The following RAB20 variants were observed in gnomAD, a reference collection of about 807,000 sequenced individuals.
The protein encoded by RAB20 is RAB20, member RAS oncogene family.
In RAB20, 2 loss-of-function variants were observed where a neutral mutation model predicts 3.7. The observed-to-expected ratio is 0.54, with a 90% CI of 0.22 to 1.69. The LOEUF (loss-of-function observed/expected upper bound fraction) is 1.69. RAB20 is among the 40% of genes most tolerant of loss of function. The probability of loss-of-function intolerance (pLI) is 0.19; values close to 1 mark genes in which losing one functional copy is unlikely to be tolerated. For missense variants in RAB20, 276 were observed against 311.9 expected, an observed-to-expected ratio of 0.88 and a Z score of 0.87; for synonymous variants, 126 against 130.8, an observed-to-expected ratio of 0.96 and a Z score of 0.25.
chr13:110,551,862 C>G (rs1030272653), intron 1 of RAB20, among the ~76,000 whole-genome samples: 7 of 150,174 alleles, frequency 4.7e-5, no homozygotes, highest in African/African-American at 1.7e-4. Context: ...GGGACGATAT[C>G]TTGAGCCCAG....
chr13:110,535,014 AG>A (rs66489837), intron 1 of RAB20, among the ~76,000 whole-genome samples: 60,138 of 151,554 alleles, frequency 0.4, 12,217 homozygotes, highest in African/African-American at 0.49. Flanking sequence ...TTTAATTTTT[AG>A]TAGAGATGAG....
chr13:110,549,861 C>A (rs886941182), intron 1 of RAB20, among the ~76,000 whole-genome samples: 4 of 152,128 alleles, frequency 2.6e-5, no homozygotes, highest in African/African-American at 9.7e-5. Context: ...GTAGCTGGGA[C>A]TACAGGCACG....
chr13:110,529,614 C>T (rs1336891239), intron 1 of RAB20, among the ~76,000 whole-genome samples: 3 of 152,214 alleles, frequency 2.0e-5, no homozygotes, highest in African/African-American at 7.2e-5. Flanking sequence ...TCAACCAATG[C>T]AGCCAAGGGT....
At position 110,523,918 on chromosome 13, in the gene RAB20, A is replaced by G. The variant is rs756507767; in HGVS notation, c.452T>C (p.Leu151Pro). Residue 151 changes from leucine (L) to proline (P), a missense_variant, in exon 2 of 2, where the codon CTG (leucine) becomes CCG (proline). By Grantham distance (98) the Leu-to-Pro change is moderately conservative (BLOSUM62 -3). Transcript: ENST00000267328. ...TTTATAAAGGGCCACCGCATCCTCC[A>G]GCTGCACCTGCTTAGGTGCCCTTGG... The part of the protein sequence containing the change: ...VSPRAPKQVQ[L>P]EDAVALYKKI... 1 of 1,614,242 alleles carries G rather than the reference A, an allele frequency of 6.2e-7. No homozygotes were observed. Among genetic ancestry groups the G allele is most frequent in the South Asian group, 1.1e-5 (1 of 91,084 alleles).
chr13:110,556,011 C>T lies in RAB20; in HGVS notation c.172+5337G>A, dbSNP rs1422728199. On this transcript the variant is annotated intron_variant, in intron 1 of 1. Coordinates refer to ENST00000267328, the MANE Select transcript of RAB20 (RefSeq NM_017817.3). Reference sequence around the variant, plus strand: ...ACATGGTACTTCCTCATTCTGGCCACTGTTCTGAGAACCTTGCCAGTGTTA... The same window carrying T: ...ACATGGTACTTCCTCATTCTGGCCATTGTTCTGAGAACCTTGCCAGTGTTA... Among the ~76,000 whole-genome samples the T allele has an allele frequency of 2.0e-5, 3 of 152,236 alleles. 1 individual carries two copies. The highest frequency in any genetic ancestry group is 4.8e-5 in the African/African-American group (2 of 41,468).
At chr13:110,541,805 G>A (rs897605874) in intron 1 of RAB20, among the ~76,000 whole-genome samples, 1 of 118,558 alleles carries the variant, frequency 8.4e-6, no homozygotes, top group Non-Finnish European at 1.7e-5. Flanking sequence ...AGTGCCAGGC[G>A]GAGTGTCCAG....
chr13:110,558,673 C>G (rs9301464), intron 1 of RAB20, among the ~76,000 whole-genome samples: 1 of 148,088 alleles, frequency 6.8e-6, no homozygotes, highest in African/African-American at 2.5e-5. Flanking sequence ...TGAGCCACCG[C>G]GCAGCCCTGT....
chr13:110,554,983 C>T (rs1168980515), intron 1 of RAB20, among the ~76,000 whole-genome samples: 5 of 62,756 alleles, frequency 8.0e-5, no homozygotes, highest in African/African-American at 2.7e-4. Context: ...TGAAGCTGAG[C>T]GGCCCTGGCA....
intron 1 of RAB20, among the ~76,000 whole-genome samples, chr13:110,539,787 T>C (rs1239206997): frequency 2.0e-5 from 3 of 152,172 alleles, no homozygotes; most frequent in African/African-American, 7.2e-5. Flanking sequence ...CTCGAACTCC[T>C]GACCTCAGGT....
At chr13:110,543,643 C>G (rs1181259779) in intron 1 of RAB20, among the ~76,000 whole-genome samples, 1 of 151,996 alleles carries the variant, frequency 6.6e-6, no homozygotes, top group Non-Finnish European at 1.5e-5. Flanking sequence ...TGCTTTTGTT[C>G]TCTGTGCTTT....
At chr13:110,538,597 CAAAAAAAAAAAAA>C (rs67409356) in intron 1 of RAB20, among the ~76,000 whole-genome samples, 1 of 70,730 alleles carries the variant, frequency 1.4e-5, no homozygotes, top group Middle Eastern at 6.8e-3. Context: ...GATCTTCTCT[CAAAAAAAAAAAAA>C]AAAAAAAAGA....
In RAB20 at chr13:110,561,709, G is replaced by C; in HGVS notation, c.-190C>G. ...AGCGCGTGTGCGCGCCCGGGAAGGAGCTGGGTGCAGAGCACGGAGCCCACG... is the reference window on the plus strand; with the variant it reads ...AGCGCGTGTGCGCGCCCGGGAAGGACCTGGGTGCAGAGCACGGAGCCCACG... On this transcript the variant is annotated 5_prime_UTR_variant, in exon 1 of 2. Coordinates refer to ENST00000267328, the MANE Select transcript of RAB20 (RefSeq NM_017817.3). 2 of 1,063,556 alleles carry C rather than the reference G, an allele frequency of 1.9e-6. No homozygotes were observed. The highest frequency in any genetic ancestry group is 2.6e-5 in the South Asian group (1 of 39,044). The allele number at this position is 1,063,556 out of a possible 1,614,324, so 65.9% of individuals were successfully genotyped here. A position where few individuals can be genotyped will look rare whatever the true frequency, so the allele number is the denominator to read the frequency against.
In RAB20 at chr13:110,552,556, G is replaced by A. The variant is rs905084939; in HGVS notation, c.172+8792C>T. On this transcript the variant is annotated intron_variant, in intron 1 of 1. Transcript: ENST00000267328. ...AAAATACAAAAAATTAGCTGGGCGC[G>A]GTGGCGGGCGCCTGTAGTCCCAGCT... 4.0e-5 allele frequency among the ~76,000 whole-genome samples: 6 copies of A among 151,256 alleles called. No homozygotes were observed. The South Asian group carries it at 8.4e-4, about 21-fold the overall frequency.
chr13:110,545,243 C>G (rs1566588921), intron 1 of RAB20, among the ~76,000 whole-genome samples: 2 of 152,126 alleles, frequency 1.3e-5, no homozygotes, highest in Non-Finnish European at 1.5e-5. Context: ...GGATGGATAC[C>G]CCATTTTCCA....
chr13:110,540,818 A>G (rs989233024), intron 1 of RAB20, among the ~76,000 whole-genome samples: 6 of 152,052 alleles, frequency 3.9e-5, no homozygotes, highest in Non-Finnish European at 7.4e-5. Context: ...CACATTATAT[A>G]TGGAATATAT....
In RAB20 at chr13:110,561,376, G is replaced by A; in HGVS notation, c.144C>T (p.Ser48=). ...GGAFYLKQWR[S]YNISIWDTAG... ...CGGTGTCCCAGATGGAGATGTTGTA[G>A]GAGCGCCACTGCTTCAGGTAGAAGG... Residue 48 remains serine (S), a synonymous_variant, in exon 1 of 2, where the codon TCC becomes TCT. Coordinates refer to ENST00000267328, the MANE Select transcript of RAB20 (RefSeq NM_017817.3). 1 of 1,608,778 alleles carries A rather than the reference G, an allele frequency of 6.2e-7. No homozygotes were observed. Among genetic ancestry groups the A allele is most frequent in the Non-Finnish European group, 8.5e-7 (1 of 1,177,714 alleles).
chr13:110,555,347 G>A lies in RAB20; in HGVS notation c.172+6001C>T, dbSNP rs1009442017. On this transcript the variant is annotated intron_variant, in intron 1 of 1. Coordinates refer to ENST00000267328, the MANE Select transcript of RAB20 (RefSeq NM_017817.3). The surrounding 1 kb of genome is among the most constrained non-coding windows in gnomAD (Gnocchi z 4.0). ...AACACTCAAAAACTTCCTGGGACTG[G>A]GGCTCCAGTCCTCTCCATTCCACAC... 6.6e-6 allele frequency among the ~76,000 whole-genome samples: 1 copy of A among 152,126 alleles called. No individual in the cohort carries two copies. Among genetic ancestry groups the A allele is most frequent in the Admixed American group, 6.5e-5 (1 of 15,268 alleles).
intron 1 of RAB20, among the ~76,000 whole-genome samples, chr13:110,549,721 T>TG (rs1491294163): frequency 4.5e-4 from 3 of 6,600 alleles, no homozygotes; most frequent in Non-Finnish European, 2.5e-3. Flanking sequence ...CTTTTTTAAA[T>TG]TTTTTTTTTT....
intron 1 of RAB20, among the ~76,000 whole-genome samples, chr13:110,546,760 CA>C (rs1198498020): frequency 6.8e-6 from 1 of 146,472 alleles, no homozygotes; most frequent in Non-Finnish European, 1.5e-5. Flanking sequence ...GTTTTTGAGA[CA>C]GGGTCTCACT....
Sources: gnomAD v4.1 joint callset for allele counts (sites outside exome capture counted in the v4.1 genomes callset) on GRCh38, gnomAD v4.1.1 for gene constraint, Gnocchi (gnomAD v3.1) non-coding constraint, MANE v1.5 for transcripts, NCBI Gene and HGNC (gene_info 2026-07-23, HGNC 2026-07-21) for gene names.